Variants in FERMT2 observed in about 807,000 individuals in gnomAD.
FERMT2 encodes FERM domain containing kindlin 2, also known as fermitin family homolog 2.
Under a neutral mutation model 82.7 loss-of-function variants are expected in FERMT2, and 15 were observed. That is an observed-to-expected ratio of 0.18 (90% confidence interval 0.12 to 0.28). The LOEUF is 0.28. Among genes scored for constraint, FERMT2 ranks in the 10% least tolerant of loss-of-function variants. The probability of loss-of-function intolerance (pLI) is 1.00; values close to 1 mark genes in which losing one functional copy is unlikely to be tolerated. For missense variants in FERMT2, 645 were observed against 809.4 expected (o/e 0.80, Z 2.46); for synonymous variants, 274 against 271.5 (o/e 1.01, Z -0.09).
chr14:52,950,176 G>A (rs1220742422), intron 2 of FERMT2, among the ~76,000 whole-genome samples: 3 of 152,124 alleles, frequency 2.0e-5, no homozygotes, highest in South Asian at 2.1e-4. Flanking sequence ...CGCAATTAAG[G>A]TTATAATTGG....
intron 13 of FERMT2, 140 bp downstream of exon 13, chr14:52,860,201 T>TAACA: frequency 1.6e-6 from 1 of 629,496 alleles, no homozygotes; most frequent in African/African-American, 1.9e-5. Flanking sequence ...AAATACATTC[T>TAACA]AACAGTCTTT....
rs981653306 is a variant in FERMT2 at position 52,881,715 on chromosome 14, G to A, written c.527-246C>T. 5 of 1,263,424 alleles carry A rather than the reference G, an allele frequency of 4.0e-6. No individual in the cohort carries two copies. The Admixed American group carries it at 1.3e-4, about 32-fold the overall frequency. 78.3% of individuals were successfully genotyped at this position (1,263,424 alleles called of 1,614,324 possible). On this transcript the variant is annotated intron_variant, in intron 4 of 14. Transcript: ENST00000341590. ...CAGAAATTCTGGGGAAAAAAAATCA[G>A]TTCAAGAGAATTAGAAAATAAGGAT...
chr14:52,922,521 G>A (rs184476150), intron 2 of FERMT2, among the ~76,000 whole-genome samples: 8 of 152,118 alleles, frequency 5.3e-5, no homozygotes, highest in Admixed American at 3.3e-4. Context: ...GAAGCAGGGC[G>A]CTGCAAAGAC....
chr14:52,924,324 C>A lies in FERMT2; in HGVS notation c.158-4968G>T, dbSNP rs555194604. Among the ~76,000 whole-genome samples, 5 of 152,234 alleles carry A rather than the reference C, an allele frequency of 3.3e-5. 1 individual carries two copies. The South Asian group carries it at 1.0e-3, about 32-fold the overall frequency. On this transcript the variant is annotated intron_variant, in intron 2 of 14. Coordinates refer to ENST00000341590, the MANE Select transcript of FERMT2 (RefSeq NM_006832.3). Reference sequence around the variant, plus strand: ...AAGGCCCTAGAGCAGTAGTTTTCTGCCTGATTGGCATTAGAATCATCTGAG... The same window carrying A: ...AAGGCCCTAGAGCAGTAGTTTTCTGACTGATTGGCATTAGAATCATCTGAG...
chr14:52,873,667 T>A (rs1885768856), intron 9 of FERMT2: 1 of 152,612 alleles, frequency 6.6e-6, no homozygotes, highest in South Asian at 2.1e-4. Context: ...ATCACCTCCT[T>A]TTCCTTTTTC....
chr14:52,902,938 A>T (rs1320922279), intron 3 of FERMT2, among the ~76,000 whole-genome samples: 2 of 149,674 alleles, frequency 1.3e-5, no homozygotes, highest in Non-Finnish European at 3.0e-5. Flanking sequence ...AAAAAAAAAA[A>T]AAAAATCCAA....
At chr14:52,948,132 C>T (rs572935887) in intron 2 of FERMT2, among the ~76,000 whole-genome samples, 1 of 152,302 alleles carries the variant, frequency 6.6e-6, no homozygotes, top group East Asian at 1.9e-4. Context: ...CTCATCCCTA[C>T]CACCATCTCC....
intron 8 of FERMT2, among the ~76,000 whole-genome samples, chr14:52,874,899 T>TA (rs2140098912): frequency 6.6e-6 from 1 of 152,094 alleles, no homozygotes; most frequent in East Asian, 1.9e-4. Context: ...CTTAAAAAAA[T>TA]AAAAAATTAG....
At chr14:52,897,007 C>CACACACACAT (rs1375670339) in intron 3 of FERMT2, among the ~76,000 whole-genome samples, 4 of 19,718 alleles carry the variant, frequency 2.0e-4, no homozygotes, top group African/African-American at 3.2e-4. Flanking sequence ...AAAACACACA[C>CACACACACAT]ACACACACAC....
At chr14:52,901,552 A>C (rs1887651959) in intron 3 of FERMT2, among the ~76,000 whole-genome samples, 1 of 152,198 alleles carries the variant, frequency 6.6e-6, no homozygotes, top group African/African-American at 2.4e-5. Context: ...AGAGGCAGGA[A>C]GAAGAGAGAT....
intron 8 of FERMT2, 39 bp from the exon 9 acceptor site, chr14:52,874,265 T>C: frequency 7.5e-7 from 1 of 1,333,754 alleles, no homozygotes; most frequent in Non-Finnish European, 1.0e-6. Context: ...TTTTTTAATA[T>C]TTGAAATTCT....
chr14:52,939,192 T>TAAAAAAAAA (rs34395615), intron 2 of FERMT2, among the ~76,000 whole-genome samples: 13 of 86,014 alleles, frequency 1.5e-4, no homozygotes, highest in East Asian at 3.6e-4. Context: ...CCATCTCTAC[T>TAAAAAAAAA]AAAAAAAAAA....
At chr14:52,878,545 ACCGGAATAAGT>A in intron 7 of FERMT2, 26 bp downstream of exon 7, 1 of 1,255,534 alleles carries the variant, frequency 8.0e-7, no homozygotes, top group Non-Finnish European at 1.2e-6. Context: ...CCTACCCTTT[ACCGGAATAAGT>A]CCCATTTACT....
intron 3 of FERMT2, among the ~76,000 whole-genome samples, chr14:52,911,146 A>C (rs1018727884): frequency 1.3e-5 from 2 of 152,212 alleles, no homozygotes; most frequent in Admixed American, 6.5e-5. Context: ...ATTTTAGGGT[A>C]TGCAGCTCTA....
At chr14:52,933,645 G>A (rs1409906385) in intron 2 of FERMT2, among the ~76,000 whole-genome samples, 1 of 148,330 alleles carries the variant, frequency 6.7e-6, no homozygotes, top group African/African-American at 2.5e-5. Context: ...TGGAGGTGGA[G>A]GTTGTGGTGA....
At chr14:52,927,945 C>T (rs1274607736) in intron 2 of FERMT2, 1 of 311,716 alleles carries the variant, frequency 3.2e-6, no homozygotes, top group Non-Finnish European at 6.7e-6. Flanking sequence ...TTATTTAATG[C>T]CATAATGTTG....
In FERMT2 at chr14:52,881,349, C is replaced by G. The variant is rs1425783396; in HGVS notation, c.647G>C (p.Gly216Ala). The stretch of plus-strand genomic sequence containing the variant: ...ACTGACAGCAAGTATACCAGGATTG[C>G]CTTCTGACAAAGCACTGTCACCAAA... ...AWFGDSALSE[G>A]NPGILAVSQP... The change falls in exon 5 of 15, where the codon GGC becomes GCC. Residue 216 changes from glycine to alanine, a missense_variant. Coordinates refer to ENST00000341590, the MANE Select transcript of FERMT2 (RefSeq NM_006832.3). The G allele has an allele frequency of 2.0e-5, 33 of 1,613,922 alleles. No homozygotes were observed. The East Asian group carries it at 6.9e-4, about 34-fold the overall frequency.
chr14:52,912,168 C>G (rs1398433670), intron 3 of FERMT2, among the ~76,000 whole-genome samples: 2 of 152,164 alleles, frequency 1.3e-5, no homozygotes, highest in Non-Finnish European at 2.9e-5. Flanking sequence ...TTATGTACCT[C>G]CTAGATTTCT....
At chr14:52,916,381 A>G in intron 3 of FERMT2, among the ~76,000 whole-genome samples, 1 of 151,994 alleles carries the variant, frequency 6.6e-6, no homozygotes, top group African/African-American at 2.4e-5. Context: ...AAAAGAAATA[A>G]GCTATCAAGC....
Sources: allele counts gnomAD v4.1 joint callset (sites outside exome capture counted in the v4.1 genomes callset), GRCh38; gene constraint gnomAD v4.1.1; transcripts MANE v1.5; gene names NCBI Gene and HGNC (gene_info 2026-07-23, HGNC 2026-07-21).